The following HTR2B variants were observed in gnomAD, a reference collection of about 807,000 sequenced individuals.
HTR2B encodes the protein 5-HT 2B receptor.
A neutral mutation model predicts 39.8 loss-of-function variants in HTR2B; 31 were observed. The ratio of observed to expected loss-of-function variants is 0.78; its 90% CI spans 0.58 to 1.05. HTR2B has a LOEUF of 1.05. HTR2B is among the 50% of genes least tolerant of loss of function. The pLI, the probability that HTR2B is intolerant of heterozygous loss-of-function variation, is 0.00. For synonymous variants in HTR2B, 210 were observed against 207.1 expected (o/e 1.01, Z -0.12); for missense variants, 562 against 578.0 (o/e 0.97, Z 0.28).
At position 231,123,359 on chromosome 2, in the gene HTR2B, A is replaced by G. The variant is rs1426582028; in HGVS notation, c.352+54T>C. ...AAGATTAAATGAGTGTCCATTCTCT[A>G]ATAGTATATCATAGTTCTGTGGTTT... On this transcript the variant is annotated intron_variant, in intron 2 of 3. Transcript: ENST00000258400. The G allele has an allele frequency of 9.0e-6, 11 of 1,229,030 alleles. No individual in the cohort carries two copies. In the East Asian group the frequency reaches 1.9e-4, roughly 21 times the overall value. The allele number at this position is 1,229,030 out of a possible 1,614,324, so 76.1% of individuals were successfully genotyped here.
Position 231,116,393 on chromosome 2 carries a change from T to G in HTR2B, c.353-2464A>C, listed in dbSNP as rs150156635. On this transcript the variant is annotated intron_variant, in intron 2 of 3. Transcript: ENST00000258400. ...AAAGGCAGGTAATTATTGTGTTATA[T>G]CTTAGATTTCCTTCCTTGAAGTCCT... is the stretch of plus-strand genomic sequence containing the variant. 8.8e-4 allele frequency among the ~76,000 whole-genome samples: 134 copies of G among 152,264 alleles called. 1 individual carries two copies. Among genetic ancestry groups the G allele is most frequent in the African/African-American group, 3.0e-3 (124 of 41,576 alleles).
chr2:231,113,673 G>C, intron 3 of HTR2B, 56 bp downstream of exon 3: 1 of 1,492,550 alleles, frequency 6.7e-7, no homozygotes, highest in Non-Finnish European at 9.3e-7. Context: ...TATTCTCCTA[G>C]CCAAGTGGAA....
chr2:231,116,128 T>G (rs1208987415), intron 2 of HTR2B, among the ~76,000 whole-genome samples: 2 of 152,182 alleles, frequency 1.3e-5, no homozygotes, highest in African/African-American at 4.8e-5. Context: ...TTCTCACTCT[T>G]AGCCATAGCA....
At chr2:231,109,467 T>G (rs905532768) in intron 3 of HTR2B, 58 bp from the exon 4 acceptor site, 11 of 1,415,202 alleles carry the variant, frequency 7.8e-6, no homozygotes, top group Non-Finnish European at 1.1e-5. Context: ...ACTCTTCGAT[T>G]AGATCCTTTT....
At chr2:231,115,965 G>A (rs940264228) in intron 2 of HTR2B, among the ~76,000 whole-genome samples, 5 of 152,108 alleles carry the variant, frequency 3.3e-5, no homozygotes, top group Admixed American at 6.6e-5. Flanking sequence ...GGTAAGGTTT[G>A]TGTCTGAGTC....
chr2:231,112,810 A>G (rs1435852813), intron 3 of HTR2B, among the ~76,000 whole-genome samples: 1 of 151,724 alleles, frequency 6.6e-6, no homozygotes, highest in African/African-American at 2.4e-5. Flanking sequence ...GATTTCTTTT[A>G]TACATAATTT....
At chr2:231,116,319 T>C (rs1695330176) in intron 2 of HTR2B, among the ~76,000 whole-genome samples, 1 of 152,122 alleles carries the variant, frequency 6.6e-6, no homozygotes. Context: ...GGTAGGAAAA[T>C]ACTCGTCTAG....
At chr2:231,116,227 A>G (rs891419596) in intron 2 of HTR2B, among the ~76,000 whole-genome samples, 17 of 152,184 alleles carry the variant, frequency 1.1e-4, no homozygotes, top group Non-Finnish European at 1.9e-4. Context: ...GAAAAGAATC[A>G]TTTTAGAGTT....
intron 2 of HTR2B, among the ~76,000 whole-genome samples, chr2:231,119,048 C>T (rs1695441743): frequency 6.6e-6 from 1 of 152,174 alleles, no homozygotes; most frequent in Admixed American, 6.5e-5. Flanking sequence ...TTTTTCACTA[C>T]ATTTGAGCAT....
chr2:231,110,709 C>T (rs868268239), intron 3 of HTR2B, among the ~76,000 whole-genome samples: 3 of 152,234 alleles, frequency 2.0e-5, no homozygotes, highest in Non-Finnish European at 4.4e-5. Flanking sequence ...TTGTTCTACA[C>T]CAGGGGTCAT....
At chr2:231,118,964 T>C (rs1333816348) in intron 2 of HTR2B, among the ~76,000 whole-genome samples, 10 of 151,070 alleles carry the variant, frequency 6.6e-5, no homozygotes, top group African/African-American at 2.2e-4. Flanking sequence ...AATGCTTCTG[T>C]CTTTATCTTC....
intron 2 of HTR2B, among the ~76,000 whole-genome samples, 168 bp from the exon 3 acceptor site, chr2:231,114,097 A>G (rs1368842850): frequency 2.0e-5 from 3 of 152,210 alleles, no homozygotes; most frequent in South Asian, 2.1e-4. Context: ...ATTAAATTCA[A>G]TATTTCTGTG....
At chr2:231,118,895 ATACT>A in intron 2 of HTR2B, among the ~76,000 whole-genome samples, 1 of 152,348 alleles carries the variant, frequency 6.6e-6, no homozygotes, top group Non-Finnish European at 1.5e-5. Flanking sequence ...CAAATCATAA[ATACT>A]TCTTATGTCC....
intron 3 of HTR2B, among the ~76,000 whole-genome samples, chr2:231,113,281 T>G (rs1282275564): frequency 6.6e-6 from 1 of 152,246 alleles, no homozygotes; most frequent in African/African-American, 2.4e-5. Context: ...CTTTGATACC[T>G]GCCCACAAAA....
Position 231,109,022 on chromosome 2 carries a change from T to C in HTR2B, c.941A>G (p.Gln314Arg), listed in dbSNP as rs995404346. The C allele has an allele frequency of 1.2e-6, 2 of 1,614,134 alleles. No individual in the cohort carries two copies. Among genetic ancestry groups the C allele is most frequent in the African/African-American group, 1.3e-5 (1 of 74,946 alleles). The change falls in exon 4 of 4, where the codon CAG becomes CGG. Residue 314 changes from glutamine (Q) to arginine (R), a missense_variant. Gln to Arg is a conservative substitution (Grantham distance 43). Transcript: ENST00000258400. Reference protein sequence around the residue: ...RTSTIGKKSVQTISNEQRASK... With the variant: ...RTSTIGKKSVRTISNEQRASK... ...GGCTCTCTGTTCGTTGGAAATGGTC[T>C]GCACTGACTTTTTCCCAATTGTGGA...
intron 3 of HTR2B, among the ~76,000 whole-genome samples, chr2:231,110,729 G>A (rs1027850878): frequency 6.6e-6 from 1 of 152,238 alleles, no homozygotes; most frequent in African/African-American, 2.4e-5. Context: ...TTATACTACA[G>A]TTTGAGGACC....
chr2:231,123,497 T>C lies in HTR2B; in HGVS notation c.268A>G (p.Asn90Asp). 1 of 1,614,044 alleles carries C rather than the reference T, an allele frequency of 6.2e-7. No individual in the cohort carries two copies. The highest frequency in any genetic ancestry group is 8.5e-7 in the Non-Finnish European group (1 of 1,179,932). Residue 90 changes from asparagine to aspartate, a missense_variant, in exon 2 of 4, where the codon AAT becomes GAT. Asn to Asp is a conservative substitution (Grantham distance 23). Transcript: ENST00000258400. ...ACCGCCAAGGACATTAGAAAGTAAT[T>C]AGTAGCATACTGCAGCTTCTTCTCC... Reference protein sequence around the residue: ...SLEKKLQYATNYFLMSLAVAD... With the variant: ...SLEKKLQYATDYFLMSLAVAD...
chr2:231,113,798 G>C lies in HTR2B; in HGVS notation c.484C>G (p.Gln162Glu). Residue 162 changes from glutamine (Q) to glutamate (E), a missense_variant, in exon 3 of 4, where the codon CAG (glutamine) becomes GAG (glutamate). Physicochemically the swap from Gln to Glu is conservative, Grantham distance 29. Transcript: ENST00000258400. ...GCCCGTGAGTTATATTGATTGGCCT[G>C]GATTGGCTTTTTGATGGCTATGTAA... ...DRYIAIKKPI[Q>E]ANQYNSRATA... The C allele has an allele frequency of 1.9e-6, 3 of 1,614,102 alleles. No individual in the cohort carries two copies. Among genetic ancestry groups the C allele is most frequent in the Non-Finnish European group, 2.5e-6 (3 of 1,179,998 alleles).
intron 2 of HTR2B, among the ~76,000 whole-genome samples, chr2:231,115,864 CCTA>C (rs1695314697): frequency 6.6e-6 from 1 of 152,108 alleles, no homozygotes. Flanking sequence ...TCATCTCAGA[CCTA>C]CTGTATCAGA....
Sources: allele counts gnomAD v4.1 joint callset (sites outside exome capture counted in the v4.1 genomes callset), GRCh38; gene constraint gnomAD v4.1.1; transcripts MANE v1.5; gene names NCBI Gene and HGNC (gene_info 2026-07-23, HGNC 2026-07-21).